The following ATG4C variants were observed in gnomAD, a reference collection of about 807,000 sequenced individuals.
ATG4C encodes cysteine protease ATG4C.
Under a neutral mutation model 57.6 loss-of-function variants are expected in ATG4C, and 56 were observed. The observed-to-expected ratio is 0.97, with a 90% CI of 0.78 to 1.21. ATG4C has a LOEUF of 1.21. Ranked by LOEUF, ATG4C falls within the 50% of genes most tolerant of loss-of-function variation. The pLI, the probability that ATG4C is intolerant of heterozygous loss-of-function variation, is 0.00. For missense variants in ATG4C, 595 were observed against 529.8 expected (o/e 1.12, Z -1.21); for synonymous variants, 157 against 174.1 (o/e 0.90, Z 0.78).
intron 10 of ATG4C, among the ~76,000 whole-genome samples, chr1:62,857,582 C>CA (rs1381829446): frequency 1.3e-5 from 2 of 151,972 alleles, no homozygotes; most frequent in East Asian, 3.9e-4. Context: ...CCCACCCCCC[C>CA]AGTCCGTGGA....
intron 10 of ATG4C, among the ~76,000 whole-genome samples, chr1:62,861,159 AAACAACT>A (rs386631789): frequency 2.3e-4 from 35 of 152,344 alleles, no homozygotes; most frequent in African/African-American, 7.5e-4. Context: ...CCCTTTTAAA[AAACAACT>A]ATGAGATGGT....
intron 7 of ATG4C, among the ~76,000 whole-genome samples, chr1:62,829,976 T>G (rs904460565): frequency 1.3e-5 from 2 of 152,146 alleles, no homozygotes; most frequent in Non-Finnish European, 2.9e-5. Context: ...TCTTTTATGA[T>G]TAATAACTAT....
In ATG4C at chr1:62,834,768, C is replaced by T; in HGVS notation, c.1013-8C>T. On this transcript the variant is annotated splice_polypyrimidine_tract_variant and splice_region_variant and intron_variant, in intron 8 of 10. Coordinates refer to ENST00000317868, the MANE Select transcript of ATG4C (RefSeq NM_032852.4). The stretch of plus-strand genomic sequence containing the variant: ...TTGAATTACTTGTCTTCTGTTTTGT[C>T]CTTGTAGATGACAGTTTGATTTACA... 6.2e-7 allele frequency: 1 copy of T among 1,607,650 alleles called. No individual in the cohort carries two copies. Among genetic ancestry groups the T allele is most frequent in the Non-Finnish European group, 8.5e-7 (1 of 1,175,220 alleles).
At chr1:62,836,966 T>C (rs1436954923) in intron 9 of ATG4C, among the ~76,000 whole-genome samples, 1 of 152,148 alleles carries the variant, frequency 6.6e-6, no homozygotes, top group Admixed American at 6.5e-5. Flanking sequence ...TCTTACAGTG[T>C]TGAATTTCTA....
rs773271672 is a variant in ATG4C, at chr1:62,819,382, A to T, written c.725+47A>T. 9 of 1,455,946 alleles carry T rather than the reference A, an allele frequency of 6.2e-6. No individual in the cohort carries two copies. The Admixed American group carries it at 7.1e-5, about 11-fold the overall frequency. The allele number at this position is 1,455,946 out of a possible 1,614,324, so 90.2% of individuals were successfully genotyped here. A position where few individuals can be genotyped will look rare whatever the true frequency, so the allele number is the denominator to read the frequency against. On this transcript the variant is annotated intron_variant, in intron 5 of 10. Coordinates refer to ENST00000317868, the MANE Select transcript of ATG4C (RefSeq NM_032852.4). ...TCTTCTTGTGACAGAGGTCCTCAGG[A>T]TTAAGAGATACTGATTTTTGCAATG...
intron 3 of ATG4C, among the ~76,000 whole-genome samples, chr1:62,815,015 A>G (rs1166055152): frequency 1.3e-5 from 2 of 152,222 alleles, no homozygotes; most frequent in Admixed American, 6.5e-5. Flanking sequence ...CAGTAAGTCA[A>G]GATTGCACCA....
intron 2 of ATG4C, among the ~76,000 whole-genome samples, chr1:62,804,117 C>T (rs1337600737): frequency 6.8e-6 from 1 of 147,014 alleles, no homozygotes; most frequent in African/African-American, 2.5e-5. Context: ...GACTTAGTCT[C>T]GCTCTGTCAC....
At chr1:62,813,747 T>C (rs889350057) in intron 3 of ATG4C, among the ~76,000 whole-genome samples, 2 of 151,928 alleles carry the variant, frequency 1.3e-5, no homozygotes, top group Non-Finnish European at 2.9e-5. Flanking sequence ...TTAAACAAAT[T>C]TACAAGAAAA....
intron 10 of ATG4C, among the ~76,000 whole-genome samples, chr1:62,863,402 A>T (rs1033549749): frequency 1.3e-5 from 2 of 152,030 alleles, no homozygotes; most frequent in Admixed American, 6.6e-5. Context: ...TCTTCTTAAC[A>T]GTTCTCTGAG....
In ATG4C at chr1:62,821,159, G is replaced by A; in HGVS notation, c.746G>A (p.Arg249Lys). ...CTCAGAAAAGCAGTTGAAGAAGCAA[G>A]GCATCCTGATTTACAAGGAATAACT... ...HILRKAVEEA[R>K]HPDLQGITIY... The change falls in exon 6 of 11, where the codon AGG (arginine) becomes AAG (lysine). Residue 249 changes from arginine to lysine, a missense_variant. Transcript: ENST00000317868. 1 of 1,601,244 alleles carries A rather than the reference G, an allele frequency of 6.2e-7. No homozygotes were observed. Among genetic ancestry groups the A allele is most frequent in the Non-Finnish European group, 8.5e-7 (1 of 1,175,166 alleles).
At chr1:62,837,010 C>A (rs1156433783) in intron 9 of ATG4C, among the ~76,000 whole-genome samples, 2 of 152,060 alleles carry the variant, frequency 1.3e-5, no homozygotes, top group African/African-American at 4.8e-5. Context: ...CATTTTGAAA[C>A]CAAATCAGAG....
chr1:62,808,002 TC>T (rs1664938083), intron 3 of ATG4C, among the ~76,000 whole-genome samples: 1 of 152,196 alleles, frequency 6.6e-6, no homozygotes, highest in South Asian at 2.1e-4. Flanking sequence ...CCGGTTGGTG[TC>T]TGGAGAGTTG....
At chr1:62,814,745 T>A (rs2100310916) in intron 3 of ATG4C, among the ~76,000 whole-genome samples, 1 of 152,196 alleles carries the variant, frequency 6.6e-6, no homozygotes, top group East Asian at 1.9e-4. Flanking sequence ...TTTTATCCAA[T>A]CTGATAATCT....
chr1:62,842,285 C>G (rs1485739320), intron 10 of ATG4C, among the ~76,000 whole-genome samples: 1 of 149,624 alleles, frequency 6.7e-6, no homozygotes, highest in East Asian at 2.0e-4. Context: ...AAGACCAATA[C>G]TCGTCATTTT....
chr1:62,786,107 A>G (rs939106033), intron 1 of ATG4C, among the ~76,000 whole-genome samples: 1 of 152,244 alleles, frequency 6.6e-6, no homozygotes, highest in Admixed American at 6.5e-5. Flanking sequence ...TTTACATTTA[A>G]CAGATGAAAA....
At position 62,819,023 on chromosome 1, in the gene ATG4C, C is replaced by T. The variant is rs1665383790; in HGVS notation, c.413C>T (p.Ala138Val). The T allele has an allele frequency of 6.4e-7, 1 of 1,568,464 alleles. No homozygotes were observed. Among genetic ancestry groups the T allele is most frequent in the African/African-American group, 1.4e-5 (1 of 73,500 alleles). The change falls in exon 5 of 11, where the codon GCT becomes GTT. Residue 138 changes from alanine to valine, a missense_variant. Physicochemically the swap from Ala to Val is moderately conservative, Grantham distance 64. Transcript: ENST00000317868. Reference protein sequence around the residue: ...FLGRAWTWPDALNIENSDSES... With the variant: ...FLGRAWTWPDVLNIENSDSES... ...ACTATAGCTTGGACCTGGCCTGATGCTTTGAATATTGAAAATTCAGACTCT... is the reference window on the plus strand; with the variant it reads ...ACTATAGCTTGGACCTGGCCTGATGTTTTGAATATTGAAAATTCAGACTCT...
At chr1:62,850,316 G>A (rs1237809372) in intron 10 of ATG4C, among the ~76,000 whole-genome samples, 1 of 152,004 alleles carries the variant, frequency 6.6e-6, no homozygotes, top group Non-Finnish European at 1.5e-5. Context: ...CATCTTCCTT[G>A]AGATTATTGC....
chr1:62,821,676 C>T (rs938126712), intron 6 of ATG4C, among the ~76,000 whole-genome samples: 2 of 152,066 alleles, frequency 1.3e-5, no homozygotes, highest in Admixed American at 1.3e-4. Flanking sequence ...TTGATGATCA[C>T]TCTCTATACA....
chr1:62,828,937 T>G (rs1047883266), intron 6 of ATG4C, 103 bp from the exon 7 acceptor site: 9 of 994,766 alleles, frequency 9.0e-6, no homozygotes, highest in African/African-American at 1.7e-5. Flanking sequence ...AGAGATGAGA[T>G]AGCTGGCTGT....
Sources: allele counts gnomAD v4.1 joint callset (sites outside exome capture counted in the v4.1 genomes callset), GRCh38; gene constraint gnomAD v4.1.1; transcripts MANE v1.5; gene names NCBI Gene and HGNC (gene_info 2026-07-23, HGNC 2026-07-21).